AFG1L: variants seen among roughly 807,000 people sequenced by gnomAD.
AFG1L encodes the protein AFG1 like ATPase.
Under a neutral mutation model 62.2 loss-of-function variants are expected in AFG1L, and 53 were observed. That is an observed-to-expected ratio of 0.85 (90% CI 0.68 to 1.07). The LOEUF (loss-of-function observed/expected upper bound fraction) is 1.07, where lower values mean the gene tolerates loss of function less well. Ranked by LOEUF, AFG1L falls within the 50% of genes least tolerant of loss-of-function variation. The pLI, the probability that AFG1L is intolerant of heterozygous loss-of-function variation, is 0.00. For missense variants in AFG1L, 555 were observed against 590.5 expected, an observed-to-expected ratio of 0.94 and a Z score of 0.62; for synonymous variants, 228 against 210.3, an observed-to-expected ratio of 1.08 and a Z score of -0.73.
Position 108,522,542 on chromosome 6 carries a change from CCATTTTAATCTA to C in AFG1L, c.*118_*129del. 8.9e-7 allele frequency: 1 copy of C among 1,119,600 alleles called. No homozygotes were observed. The highest frequency in any genetic ancestry group is 1.2e-6 in the Non-Finnish European group (1 of 819,834). The allele number at this position is 1,119,600 out of a possible 1,614,324, so 69.4% of individuals were successfully genotyped here. A position where few individuals can be genotyped will look rare whatever the true frequency, so the allele number is the denominator to read the frequency against. ...TTAATTATGCACTTTGTCCTCTGGA[CCATTTTAATCTA>C]AAATTGCTCTCAAGGATCTAGTGGA... On this transcript the variant is annotated 3_prime_UTR_variant, in exon 13 of 13. Coordinates refer to ENST00000368977, the MANE Select transcript of AFG1L (RefSeq NM_145315.5).
At chr6:108,505,157 C>T (rs1033545187) in intron 10 of AFG1L, among the ~76,000 whole-genome samples, 36 of 150,346 alleles carry the variant, frequency 2.4e-4, no homozygotes, top group African/African-American at 8.1e-4. Context: ...TACAATGGCA[C>T]GATCTCAGCT....
At chr6:108,310,824 A>G (rs1777376928) in intron 1 of AFG1L, among the ~76,000 whole-genome samples, 1 of 152,074 alleles carries the variant, frequency 6.6e-6, no homozygotes, top group Admixed American at 6.6e-5. Context: ...CAATCCTCCC[A>G]CTTAAACCCC....
At chr6:108,364,201 T>G (rs141437460) in intron 5 of AFG1L, among the ~76,000 whole-genome samples, 46 of 152,310 alleles carry the variant, frequency 3.0e-4, no homozygotes, top group African/African-American at 1.1e-3. Context: ...TCACTTATAC[T>G]GTAAAATTAC....
At chr6:108,475,668 G>T (rs533295373) in intron 8 of AFG1L, among the ~76,000 whole-genome samples, 2 of 152,286 alleles carry the variant, frequency 1.3e-5, no homozygotes, top group African/African-American at 2.4e-5. Flanking sequence ...CATTGCAAAT[G>T]ATGTTTTTAA....
chr6:108,466,757 T>TAAAATATATATATTTTAA (rs1025176138), intron 8 of AFG1L, among the ~76,000 whole-genome samples: 19 of 133,564 alleles, frequency 1.4e-4, no homozygotes, highest in Non-Finnish European at 2.5e-4. Flanking sequence ...ATATATTTGT[T>TAAAATATATATATTTTAA]AAAATATATA....
intron 3 of AFG1L, among the ~76,000 whole-genome samples, chr6:108,351,298 G>A (rs988289210): frequency 3.3e-5 from 5 of 152,196 alleles, no homozygotes; most frequent in African/African-American, 1.2e-4. Flanking sequence ...AGTGATAGAA[G>A]TTTTTCAGCT....
At chr6:108,494,364 A>G (rs941805382) in intron 10 of AFG1L, among the ~76,000 whole-genome samples, 1 of 151,934 alleles carries the variant, frequency 6.6e-6, no homozygotes, top group African/African-American at 2.4e-5. Flanking sequence ...AGAGTAGAGG[A>G]GTGTACCCTC....
intron 1 of AFG1L, among the ~76,000 whole-genome samples, chr6:108,297,978 G>A (rs1776835881): frequency 6.6e-6 from 1 of 151,500 alleles, no homozygotes; most frequent in African/African-American, 2.4e-5. Flanking sequence ...CCCCTTCTGT[G>A]TTCTAGGCAC....
intron 6 of AFG1L, among the ~76,000 whole-genome samples, chr6:108,394,119 C>T (rs1416002554): frequency 7.0e-6 from 1 of 143,110 alleles, no homozygotes; most frequent in African/African-American, 2.6e-5. Flanking sequence ...TTTCCCCCTC[C>T]CCTCCCTTCC....
At position 108,295,218 on chromosome 6, in the gene AFG1L, G is replaced by A. The variant is rs371349304; in HGVS notation, c.139G>A (p.Ala47Thr). The A allele has an allele frequency of 1.2e-6, 2 of 1,601,292 alleles. No individual in the cohort carries two copies. The highest frequency in any genetic ancestry group is 2.2e-5 in the East Asian group (1 of 44,854). Residue 47 changes from alanine (A) to threonine (T), a missense_variant and splice_region_variant, in exon 1 of 13, where the codon GCC (alanine) becomes ACC (threonine). Physicochemically the swap from Ala to Thr is moderately conservative, Grantham distance 58 (BLOSUM62 0). Coordinates refer to ENST00000368977, the MANE Select transcript of AFG1L (RefSeq NM_145315.5). Reference protein sequence around the residue: ...ATAPGKPFWKAYTVQTSESMT... With the variant: ...ATAPGKPFWKTYTVQTSESMT... Reference sequence around the variant, plus strand: ...CGCCCCTGGGAAGCCCTTTTGGAAAGGTCAGTGACTGTGCCATGAGTAGTC... The same window carrying A: ...CGCCCCTGGGAAGCCCTTTTGGAAAAGTCAGTGACTGTGCCATGAGTAGTC...
At chr6:108,480,626 C>T (rs1262406233) in intron 10 of AFG1L, among the ~76,000 whole-genome samples, 1 of 151,978 alleles carries the variant, frequency 6.6e-6, no homozygotes, top group Non-Finnish European at 1.5e-5. Context: ...GGCAAAACCC[C>T]GTCTCTACTA....
chr6:108,318,462 T>G (rs777199529), intron 1 of AFG1L: 10 of 167,974 alleles, frequency 6.0e-5, no homozygotes, highest in Non-Finnish European at 1.3e-4. Flanking sequence ...TTACATTTAC[T>G]TAAAAAAGTT....
intron 1 of AFG1L, among the ~76,000 whole-genome samples, chr6:108,316,197 C>T (rs527464127): frequency 7.3e-4 from 110 of 150,894 alleles, no homozygotes; most frequent in Non-Finnish European, 1.4e-3. Context: ...CTGGCTAAAA[C>T]GGTGAAACCC....
At chr6:108,469,820 T>A (rs984418966) in intron 8 of AFG1L, among the ~76,000 whole-genome samples, 1 of 152,208 alleles carries the variant, frequency 6.6e-6, no homozygotes, top group African/African-American at 2.4e-5. Flanking sequence ...ACTTATCTGC[T>A]TTCTCTTTTT....
intron 7 of AFG1L, among the ~76,000 whole-genome samples, chr6:108,444,680 T>C (rs1271283170): frequency 6.6e-6 from 1 of 152,222 alleles, no homozygotes; most frequent in Non-Finnish European, 1.5e-5. Flanking sequence ...CAGTAATCTT[T>C]TGAAAACAAT....
chr6:108,498,162 G>A (rs1774041380), intron 10 of AFG1L, among the ~76,000 whole-genome samples: 1 of 152,158 alleles, frequency 6.6e-6, no homozygotes. Context: ...AGCCTCTTGA[G>A]ACCTAAGTTC....
At chr6:108,410,934 C>G (rs1485300254) in intron 7 of AFG1L, among the ~76,000 whole-genome samples, 2 of 152,130 alleles carry the variant, frequency 1.3e-5, no homozygotes, top group Non-Finnish European at 2.9e-5. Context: ...GCTTGTCAGA[C>G]AGTGGGTGCA....
chr6:108,377,102 T>A (rs1392841584), intron 6 of AFG1L, among the ~76,000 whole-genome samples: 1 of 152,132 alleles, frequency 6.6e-6, no homozygotes, highest in Non-Finnish European at 1.5e-5. Context: ...GCATGGTAGA[T>A]CTTTCTCCAC....
At chr6:108,414,024 G>T (rs1191791323) in intron 7 of AFG1L, among the ~76,000 whole-genome samples, 3 of 151,962 alleles carry the variant, frequency 2.0e-5, no homozygotes, top group Non-Finnish European at 2.9e-5. Flanking sequence ...TAGACCACTA[G>T]CAAGACTAAT....
Sources: allele counts gnomAD v4.1 joint callset (sites outside exome capture counted in the v4.1 genomes callset), GRCh38; gene constraint gnomAD v4.1.1; transcripts MANE v1.5; gene names NCBI Gene and HGNC (gene_info 2026-07-23, HGNC 2026-07-21).